The following AKAP6 variants were observed in gnomAD, a reference collection of about 807,000 sequenced individuals.
AKAP6 encodes A-kinase anchor protein 6.
Under a neutral mutation model 188.5 loss-of-function variants are expected in AKAP6, and 58 were observed. The observed-to-expected ratio is 0.31, with a 90% confidence interval of 0.25 to 0.38. AKAP6 has a LOEUF of 0.38. AKAP6 is among the 10% of genes least tolerant of loss of function. The probability of loss-of-function intolerance (pLI) is 1.00; values close to 1 mark genes in which losing one functional copy is unlikely to be tolerated. For synonymous variants in AKAP6, 989 were observed against 998.6 expected (o/e 0.99, Z 0.18); for missense variants, 2,710 against 2,740.0 (o/e 0.99, Z 0.24).
intron 12 of AKAP6, among the ~76,000 whole-genome samples, chr14:32,817,636 G>C (rs984995039): frequency 3.9e-5 from 6 of 151,978 alleles, no homozygotes; most frequent in Admixed American, 1.3e-4. Context: ...ATTGCAGGCT[G>C]TCTTTTGGAA....
At chr14:32,332,308 C>T (rs1300698253) in intron 1 of AKAP6, among the ~76,000 whole-genome samples, 1 of 152,188 alleles carries the variant, frequency 6.6e-6, no homozygotes, top group East Asian at 1.9e-4. Flanking sequence ...CTCTATCACA[C>T]GTACCCCACC....
chr14:32,645,367 A>G (rs937218178), intron 7 of AKAP6, among the ~76,000 whole-genome samples: 2 of 152,172 alleles, frequency 1.3e-5, no homozygotes, highest in African/African-American at 4.8e-5. Context: ...ATCATTGCTG[A>G]TTGTCAATAT....
chr14:32,744,886 G>T (rs2031830579), intron 11 of AKAP6, among the ~76,000 whole-genome samples: 1 of 151,832 alleles, frequency 6.6e-6, no homozygotes, highest in East Asian at 1.9e-4. Context: ...GATAAATTCT[G>T]CTGTTAAAAG....
chr14:32,714,284 C>G (rs944586647), intron 9 of AKAP6, among the ~76,000 whole-genome samples: 1 of 151,860 alleles, frequency 6.6e-6, no homozygotes, highest in African/African-American at 2.4e-5. Flanking sequence ...AAATATTGAC[C>G]AAATTACTAA....
chr14:32,427,004 C>T (rs1434213081), intron 1 of AKAP6, among the ~76,000 whole-genome samples: 2 of 152,118 alleles, frequency 1.3e-5, no homozygotes, highest in Admixed American at 1.3e-4. Context: ...AGAATGTAAT[C>T]ACCCATCTGC....
chr14:32,558,992 G>A (rs1883811863), intron 4 of AKAP6, among the ~76,000 whole-genome samples: 1 of 152,172 alleles, frequency 6.6e-6, no homozygotes, highest in African/African-American at 2.4e-5. Flanking sequence ...CTAACTACTA[G>A]TTAGAAATAA....
intron 1 of AKAP6, among the ~76,000 whole-genome samples, chr14:32,375,291 T>C (rs1277096672): frequency 2.0e-5 from 3 of 152,172 alleles, no homozygotes; most frequent in Non-Finnish European, 2.9e-5. Context: ...AAAAGAAGTA[T>C]GGAAGTACAC....
intron 7 of AKAP6, among the ~76,000 whole-genome samples, chr14:32,624,662 C>T (rs2139430999): frequency 6.6e-6 from 1 of 152,228 alleles, no homozygotes; most frequent in Middle Eastern, 3.4e-3. Context: ...ACTTCTTTCC[C>T]TGTTTCACAA....
intron 12 of AKAP6, among the ~76,000 whole-genome samples, chr14:32,784,110 T>C (rs578223065): frequency 6.6e-6 from 1 of 152,180 alleles, no homozygotes; most frequent in Non-Finnish European, 1.5e-5. Flanking sequence ...AATAATTTCT[T>C]ATGAGAACTT....
At chr14:32,579,573 G>T (rs1428013164) in intron 5 of AKAP6, among the ~76,000 whole-genome samples, 1 of 152,080 alleles carries the variant, frequency 6.6e-6, no homozygotes, top group Non-Finnish European at 1.5e-5. Flanking sequence ...GCCACTGAAT[G>T]ATATTCTTAA....
rs149265248 is a variant in AKAP6 at position 32,526,487 on chromosome 14, C to T, written c.325-9067C>T. On this transcript the variant is annotated intron_variant, in intron 2 of 13. Transcript: ENST00000280979. ...AACTCAAGTGATCCGCCCACCTTAG[C>T]CCCCACAAAGTGCTGGCATTACAGA... 1.6e-4 allele frequency among the ~76,000 whole-genome samples: 25 copies of T among 152,298 alleles called. No individual in the cohort carries two copies. The East Asian group carries it at 4.3e-3, about 26-fold the overall frequency.
At chr14:32,610,734 G>A (rs1179424765) in intron 7 of AKAP6, among the ~76,000 whole-genome samples, 1 of 152,196 alleles carries the variant, frequency 6.6e-6, no homozygotes, top group East Asian at 1.9e-4. Flanking sequence ...GAAATAGCAT[G>A]GTCAAAAGTA....
At chr14:32,738,462 G>A (rs912190404) in intron 11 of AKAP6, among the ~76,000 whole-genome samples, 1 of 152,092 alleles carries the variant, frequency 6.6e-6, no homozygotes, top group African/African-American at 2.4e-5. Context: ...TAATAACCTT[G>A]TTGATGATTA....
chr14:32,348,093 G>T (rs1434134029), intron 1 of AKAP6, among the ~76,000 whole-genome samples: 1 of 152,192 alleles, frequency 6.6e-6, no homozygotes, highest in Non-Finnish European at 1.5e-5. Flanking sequence ...GTGCTGGGCA[G>T]GTCAAGAACC....
intron 9 of AKAP6, among the ~76,000 whole-genome samples, chr14:32,704,860 T>C (rs1594865256): frequency 6.6e-6 from 1 of 152,160 alleles, no homozygotes; most frequent in Admixed American, 6.6e-5. Flanking sequence ...TGCTATTTGG[T>C]CTAAATAATT....
In AKAP6 at chr14:32,693,075, C is replaced by T. The variant is rs557229937; in HGVS notation, c.2880-2915C>T. On this transcript the variant is annotated intron_variant, in intron 8 of 13. Transcript: ENST00000280979. ...CTGAGCATATAGGGATTTACATGAT[C>T]TTGTAATTCTGGGGTGCAGTGGAGT... Among the ~76,000 whole-genome samples, 4 of 152,236 alleles carry T rather than the reference C, an allele frequency of 2.6e-5. No individual in the cohort carries two copies. In the South Asian group the frequency reaches 8.3e-4, roughly 32 times the overall value.
chr14:32,375,566 G>T (rs1835737194), intron 1 of AKAP6, among the ~76,000 whole-genome samples: 1 of 151,522 alleles, frequency 6.6e-6, no homozygotes, highest in Admixed American at 6.6e-5. Context: ...TGAAGAAAAT[G>T]CTGTGTCAAT....
chr14:32,836,929 G>A lies in AKAP6; in HGVS notation c.*7124G>A, dbSNP rs750324791. The A allele has an allele frequency of 2.6e-5, 4 of 152,164 alleles. No homozygotes were observed. Among genetic ancestry groups the A allele is most frequent in the Non-Finnish European group, 4.4e-5 (3 of 68,040 alleles). 9.4% of individuals were successfully genotyped at this position (152,164 alleles called of 1,614,324 possible). ...CAAATGTAAAATGGAACAGAACTTG[G>A]CCTCAAAGTGATGTTGGAAAAATAG... On this transcript the variant is annotated 3_prime_UTR_variant, in exon 14 of 14. Coordinates refer to ENST00000280979, the MANE Select transcript of AKAP6 (RefSeq NM_004274.5).
At position 32,530,524 on chromosome 14, in the gene AKAP6, T is replaced by C. The variant is rs112678776; in HGVS notation, c.325-5030T>C. Reference sequence around the variant, plus strand: ...CAATTTGAGGCACCTTGGCAGAATGTTGATCCATGTACATTTGTAATTTCA... The same window carrying C: ...CAATTTGAGGCACCTTGGCAGAATGCTGATCCATGTACATTTGTAATTTCA... On this transcript the variant is annotated intron_variant, in intron 2 of 13. Coordinates refer to ENST00000280979, the MANE Select transcript of AKAP6 (RefSeq NM_004274.5). Among the ~76,000 whole-genome samples the C allele has an allele frequency of 7.0e-3, 1,067 of 152,260 alleles. 5 individuals carry two copies. The highest frequency in any genetic ancestry group is 9.2e-3 in the Non-Finnish European group (628 of 68,018).
Sources: gnomAD v4.1 joint callset for allele counts (sites outside exome capture counted in the v4.1 genomes callset) on GRCh38, gnomAD v4.1.1 for gene constraint, MANE v1.5 for transcripts, NCBI Gene and HGNC (gene_info 2026-07-23, HGNC 2026-07-21) for gene names.